Variants in GIMAP1 observed in about 807,000 individuals in gnomAD.
GIMAP1 encodes the protein GTPase, IMAP family member 1, also known as GTPase IMAP family member 1.
For synonymous variants in GIMAP1, 230 were observed against 187.7 expected (o/e 1.23, Z -1.84); for missense variants, 423 against 411.9 (o/e 1.03, Z -0.23).
At chr7:150,716,865 A>G (rs757902640) in intron 1 of GIMAP1, among the ~76,000 whole-genome samples, 175 bp downstream of exon 1, 70 of 152,174 alleles carry the variant, frequency 4.6e-4, no homozygotes, top group Non-Finnish European at 2.1e-4. Context: ...CAAAGTTCAG[A>G]GGAAATTTTA....
intron 2 of GIMAP1, among the ~76,000 whole-genome samples, 191 bp from the exon 3 acceptor site, chr7:150,719,857 A>G (rs913574124): frequency 6.6e-6 from 1 of 152,260 alleles, no homozygotes; most frequent in African/African-American, 2.4e-5. Context: ...AAGCATTTCT[A>G]TGATAATCAA....
In GIMAP1 at chr7:150,720,228, A is replaced by G. The variant is rs1426705290; in HGVS notation, c.224A>G (p.Lys75Arg). The G allele has an allele frequency of 3.1e-6, 5 of 1,614,218 alleles. No individual in the cohort carries two copies. The East Asian group carries it at 8.9e-5, about 29-fold the overall frequency. Residue 75 changes from lysine (K) to arginine (R), a missense_variant, in exon 3 of 3, where the codon AAG becomes AGG. Lys to Arg is a conservative substitution (Grantham distance 26). Coordinates refer to ENST00000307194, the MANE Select transcript of GIMAP1 (RefSeq NM_130759.4). This position sits in a 1 kb window ranked among gnomAD's most constrained non-coding sequence, Gnocchi z 4.5. ...ACCACGGGCAGCCGCAGGTGGGACA[A>G]GTGCCACGTGGAAGTCGTGGACACT... The part of the protein sequence containing the change: ...ACTTGSRRWD[K>R]CHVEVVDTPD...
Position 150,719,709 on chromosome 7 carries a change from C to T in GIMAP1, c.44-339C>T, listed in dbSNP as rs1313992725. ...CTCTTCACTACCAGGCAGTATTGCC[C>T]CCACTGCCTGTCTCTGGGGATGGTC... On this transcript the variant is annotated intron_variant, in intron 2 of 2. Transcript: ENST00000307194. 2.0e-5 allele frequency among the ~76,000 whole-genome samples: 3 copies of T among 152,182 alleles called. No individual in the cohort carries two copies. The East Asian group carries it at 5.8e-4, about 29-fold the overall frequency.
chr7:150,722,834 C>T lies in GIMAP1; in HGVS notation c.*1909C>T, dbSNP rs1477961590. 1 of 152,148 alleles carries T rather than the reference C, an allele frequency of 6.6e-6. No individual in the cohort carries two copies. The highest frequency in any genetic ancestry group is 1.5e-5 in the Non-Finnish European group (1 of 68,032). The allele number at this position is 152,148 out of a possible 1,614,324, so 9.4% of individuals were successfully genotyped here. On this transcript the variant is annotated 3_prime_UTR_variant, in exon 3 of 3. Transcript: ENST00000307194. ...AGAAAAAAGGTCGTAACTTCCAGGT[C>T]GTGGGATTGTTGCTATGGAAAGGAG...
At chr7:150,719,403 G>A (rs1306372507) in intron 2 of GIMAP1, 8 of 325,492 alleles carry the variant, frequency 2.5e-5, no homozygotes, top group Non-Finnish European at 4.5e-5. Flanking sequence ...GAGGTAGAAT[G>A]TTTAGAGAAC....
chr7:150,720,159 G>A lies in GIMAP1; in HGVS notation c.155G>A (p.Arg52Gln). 4.3e-6 allele frequency: 7 copies of A among 1,614,120 alleles called. No homozygotes were observed. The highest frequency in any genetic ancestry group is 5.9e-6 in the Non-Finnish European group (7 of 1,180,016). Residue 52 changes from arginine to glutamine, a missense_variant, in exon 3 of 3, where the codon CGG becomes CAG. Transcript: ENST00000307194. This position sits in a 1 kb window ranked among gnomAD's most constrained non-coding sequence, Gnocchi z 4.5. ...GGGAACAGCATCCTGGGCCAGAGAC[G>A]GTTCTTCTCCAGGCTGGGGGCCACG... ...ATGNSILGQR[R>Q]FFSRLGATSV...
At position 150,720,650 on chromosome 7, in the gene GIMAP1, A is replaced by G; in HGVS notation, c.646A>G (p.Lys216Glu). 1 of 1,610,014 alleles carries G rather than the reference A, an allele frequency of 6.2e-7. No individual in the cohort carries two copies. The highest frequency in any genetic ancestry group is 1.1e-5 in the South Asian group (1 of 90,622). The change falls in exon 3 of 3, where the codon AAG (lysine) becomes GAG (glutamate). Residue 216 changes from lysine to glutamate, a missense_variant. Physicochemically the swap from Lys to Glu is moderately conservative, Grantham distance 56 (BLOSUM62 1). Transcript: ENST00000307194. This position sits in a 1 kb window ranked among gnomAD's most constrained non-coding sequence, Gnocchi z 4.5. ...GGTCGAGGGCTTGGTGCTGGAGCACAAGGGCGCCCATTACTCCAACGAGGT... is the reference window on the plus strand; with the variant it reads ...GGTCGAGGGCTTGGTGCTGGAGCACGAGGGCGCCCATTACTCCAACGAGGT... ...GMVEGLVLEH[K>E]GAHYSNEVYE...
At chr7:150,719,942 C>T (rs1269739354) in intron 2 of GIMAP1, 106 bp from the exon 3 acceptor site, 16 of 1,409,098 alleles carry the variant, frequency 1.1e-5, no homozygotes, top group South Asian at 3.1e-5. Flanking sequence ...AACGCCCAGG[C>T]GTTCAAATCT....
At chr7:150,717,727 G>C (rs1385950955) in intron 1 of GIMAP1, among the ~76,000 whole-genome samples, 1 of 152,164 alleles carries the variant, frequency 6.6e-6, no homozygotes, top group Non-Finnish European at 1.5e-5. Context: ...TCTTGCAACT[G>C]TTTCTTCATT....
chr7:150,719,965 A>T, intron 2 of GIMAP1, 83 bp from the exon 3 acceptor site: 1 of 1,483,994 alleles, frequency 6.7e-7, no homozygotes, highest in Non-Finnish European at 8.9e-7. Context: ...ATTCTTAACC[A>T]CTTATGCTAA....
At chr7:150,719,900 C>T in intron 2 of GIMAP1, 148 bp from the exon 3 acceptor site, 1 of 1,096,872 alleles carries the variant, frequency 9.1e-7, no homozygotes, top group South Asian at 1.8e-5. Context: ...TGCAGGCAGA[C>T]AACCCAAATA....
At chr7:150,719,129 G>T in intron 2 of GIMAP1, 39 bp downstream of exon 2, 1 of 1,613,516 alleles carries the variant, frequency 6.2e-7, no homozygotes, top group African/African-American at 1.3e-5. Flanking sequence ...TGCCCCCCTA[G>T]GCTTGAACTT....
chr7:150,720,460 C>T lies in GIMAP1; in HGVS notation c.456C>T (p.Thr152=), dbSNP rs779789140. 5 of 1,572,168 alleles carry T rather than the reference C, an allele frequency of 3.2e-6. No individual in the cohort carries two copies. The highest frequency in any genetic ancestry group is 2.4e-5 in the South Asian group (2 of 83,418). ...TAAAATGGATGGTCATCGTCTTCACCAGGAAGGAGGACCTGGCCGGGGGCT... is the reference window on the plus strand; with the variant it reads ...TAAAATGGATGGTCATCGTCTTCACTAGGAAGGAGGACCTGGCCGGGGGCT... ...DVLKWMVIVF[T]RKEDLAGGSL... is the part of the protein sequence containing the mutation. Residue 152 remains threonine, a synonymous_variant, in exon 3 of 3, where the codon ACC becomes ACT. Transcript: ENST00000307194. The surrounding 1 kb of genome is among the most constrained non-coding windows in gnomAD (Gnocchi z 4.5).
chr7:150,717,687 T>C (rs569551266), intron 1 of GIMAP1, among the ~76,000 whole-genome samples: 44 of 152,318 alleles, frequency 2.9e-4, no homozygotes, highest in Middle Eastern at 3.4e-3. Context: ...GACAAGGACA[T>C]TTTGCTTCAT....
rs1006993187 is a variant in GIMAP1 at position 150,722,113 on chromosome 7, A to G, written c.*1188A>G. ...GCCGCTGACTGGTTGTGCGAATCAA[A>G]CAATAGGATTTCCTTATTTCTATTT... On this transcript the variant is annotated 3_prime_UTR_variant, in exon 3 of 3. Transcript: ENST00000307194. 6.6e-6 allele frequency: 1 copy of G among 152,218 alleles called. No individual in the cohort carries two copies. Among genetic ancestry groups the G allele is most frequent in the Non-Finnish European group, 1.5e-5 (1 of 68,040 alleles). The allele number at this position is 152,218 out of a possible 1,614,324, so 9.4% of individuals were successfully genotyped here.
rs1476547979 is a variant in GIMAP1 at position 150,724,179 on chromosome 7, C to T, written c.*3254C>T. The T allele has an allele frequency of 2.6e-5, 4 of 151,836 alleles. No individual in the cohort carries two copies. Among genetic ancestry groups the T allele is most frequent in the African/African-American group, 9.7e-5 (4 of 41,306 alleles). 9.4% of individuals were successfully genotyped at this position (151,836 alleles called of 1,614,324 possible). On this transcript the variant is annotated 3_prime_UTR_variant, in exon 3 of 3. Transcript: ENST00000307194. Reference sequence around the variant, plus strand: ...ACTATGGCTCAACACTCATTTTTCCCCCATGATTCTTAATCTAACAGTGGC... The same window carrying T: ...ACTATGGCTCAACACTCATTTTTCCTCCATGATTCTTAATCTAACAGTGGC...
At chr7:150,718,629 G>C (rs763583522) in intron 1 of GIMAP1, among the ~76,000 whole-genome samples, 9 of 152,128 alleles carry the variant, frequency 5.9e-5, no homozygotes, top group Non-Finnish European at 1.3e-4. Flanking sequence ...AAGCCCATTG[G>C]CATTGAGTAA....
intron 1 of GIMAP1, among the ~76,000 whole-genome samples, chr7:150,718,038 A>G (rs1213325388): frequency 6.6e-6 from 1 of 151,862 alleles, no homozygotes; most frequent in African/African-American, 2.4e-5. Flanking sequence ...ATGGATGGTG[A>G]GGCACAGACA....
chr7:150,720,242 G>C lies in GIMAP1; in HGVS notation c.238G>C (p.Val80Leu). The change falls in exon 3 of 3, where the codon GTC becomes CTC. Residue 80 changes from valine (V) to leucine (L), a missense_variant. Transcript: ENST00000307194. This position sits in a 1 kb window ranked among gnomAD's most constrained non-coding sequence, Gnocchi z 4.5. ...CAGGTGGGACAAGTGCCACGTGGAA[G>C]TCGTGGACACTCCGGACATTTTCAG... ...SRRWDKCHVE[V>L]VDTPDIFSSQ... 1 of 1,614,192 alleles carries C rather than the reference G, an allele frequency of 6.2e-7. No homozygotes were observed. Among genetic ancestry groups the C allele is most frequent in the Non-Finnish European group, 8.5e-7 (1 of 1,180,026 alleles).
Sources: allele counts gnomAD v4.1 joint callset (sites outside exome capture counted in the v4.1 genomes callset), GRCh38; gene constraint gnomAD v4.1.1; non-coding constraint Gnocchi (gnomAD v3.1); transcripts MANE v1.5; gene names NCBI Gene and HGNC (gene_info 2026-07-23, HGNC 2026-07-21).